SDK1: variants seen among roughly 807,000 people sequenced by gnomAD.
The protein encoded by SDK1 is protein sidekick-1.
In SDK1, 157 loss-of-function variants were observed where a neutral mutation model predicts 245.5. That is an observed-to-expected ratio of 0.64 (90% CI 0.56 to 0.73). The LOEUF is 0.73. SDK1 is among the 30% of genes least tolerant of loss of function. The pLI, the probability that SDK1 is intolerant of heterozygous loss-of-function variation, is 0.00. For missense variants in SDK1, 3,583 were observed against 3,002.3 expected, an observed-to-expected ratio of 1.19 and a Z score of -4.52; for synonymous variants, 1,647 against 1,278.5, an observed-to-expected ratio of 1.29 and a Z score of -6.15.
At chr7:3,602,858 G>A (rs190831681) in intron 1 of SDK1, among the ~76,000 whole-genome samples, 3 of 152,106 alleles carry the variant, frequency 2.0e-5, no homozygotes, top group Non-Finnish European at 2.9e-5. Flanking sequence ...TTTGTATAAG[G>A]TGTAAGGAAG....
intron 27 of SDK1, 70 bp from the exon 28 acceptor site, chr7:4,132,255 C>A: frequency 8.0e-7 from 1 of 1,250,156 alleles, no homozygotes; most frequent in Non-Finnish European, 1.2e-6. Flanking sequence ...CCCTCGGAAT[C>A]CTGTGTAACC....
At chr7:3,894,775 T>A (rs931891771) in intron 5 of SDK1, among the ~76,000 whole-genome samples, 1 of 150,748 alleles carries the variant, frequency 6.6e-6, no homozygotes, top group African/African-American at 2.4e-5. Context: ...CTCGGTTCAC[T>A]GCAACCTCTG....
chr7:4,208,055 A>G, intron 36 of SDK1, 44 bp from the exon 37 acceptor site: 1 of 1,488,118 alleles, frequency 6.7e-7, no homozygotes. Context: ...GCTTACTGGA[A>G]GGCTTCCCCA....
chr7:3,446,434 G>A (rs1016873878), intron 1 of SDK1, among the ~76,000 whole-genome samples: 7 of 152,018 alleles, frequency 4.6e-5, no homozygotes, highest in African/African-American at 1.4e-4. Context: ...TAGTTGATAA[G>A]TTTTCTACCA....
At chr7:4,038,095 C>T (rs1172283872) in intron 17 of SDK1, among the ~76,000 whole-genome samples, 4 of 152,154 alleles carry the variant, frequency 2.6e-5, no homozygotes, top group Non-Finnish European at 4.4e-5. Context: ...ACTGCCTGAC[C>T]AAGGTGACAC....
chr7:3,565,472 C>A (rs1026244577), intron 1 of SDK1, among the ~76,000 whole-genome samples: 8 of 152,128 alleles, frequency 5.3e-5, no homozygotes, highest in Non-Finnish European at 1.0e-4. Context: ...AAGCAAGAGG[C>A]ATATGGATCT....
chr7:3,923,276 CT>C (rs202019269), intron 5 of SDK1, among the ~76,000 whole-genome samples: 2,950 of 148,746 alleles, frequency 0.02, 56 homozygotes, highest in South Asian at 0.041. Context: ...TTATTATGGA[CT>C]TTTTTTTTTA....
Position 3,545,835 on chromosome 7 carries a change from A to G in SDK1, c.299-73245A>G, listed in dbSNP as rs141759973. On this transcript the variant is annotated intron_variant, in intron 1 of 44. Coordinates refer to ENST00000404826, the MANE Select transcript of SDK1 (RefSeq NM_152744.4). Reference sequence around the variant, plus strand: ...TAGTACTTTGAAATCTGAAAAGTGAAAAGAGAAAAGTAAACTCATACCTAA... The same window carrying G: ...TAGTACTTTGAAATCTGAAAAGTGAGAAGAGAAAAGTAAACTCATACCTAA... Among the ~76,000 whole-genome samples, 954 of 152,338 alleles carry G rather than the reference A, an allele frequency of 6.3e-3. 11 individuals carry two copies. Among genetic ancestry groups the G allele is most frequent in the African/African-American group, 0.022 (902 of 41,568 alleles).
At chr7:4,076,105 ACT>A (rs1447962678) in intron 20 of SDK1, among the ~76,000 whole-genome samples, 1 of 152,178 alleles carries the variant, frequency 6.6e-6, no homozygotes. Flanking sequence ...TAGAAGCAAA[ACT>A]CACACACTCA....
intron 5 of SDK1, among the ~76,000 whole-genome samples, chr7:3,874,011 GT>G (rs1181794046): frequency 3.3e-5 from 5 of 151,938 alleles, no homozygotes; most frequent in Non-Finnish European, 7.4e-5. Context: ...CCTCATAATA[GT>G]TTTGTTGTTG....
chr7:3,834,275 A>G (rs529086545), intron 5 of SDK1, among the ~76,000 whole-genome samples: 3 of 152,342 alleles, frequency 2.0e-5, no homozygotes, highest in Admixed American at 1.3e-4. Context: ...CTTATCAGGC[A>G]TTACGCTTGA....
At chr7:3,672,129 G>A (rs886122528) in intron 4 of SDK1, among the ~76,000 whole-genome samples, 1 of 152,114 alleles carries the variant, frequency 6.6e-6, no homozygotes, top group African/African-American at 2.4e-5. Context: ...GGAGTGGCGG[G>A]TCATGGTGTG....
chr7:3,548,044 G>T (rs1445436575), intron 1 of SDK1, among the ~76,000 whole-genome samples: 2 of 152,126 alleles, frequency 1.3e-5, no homozygotes, highest in Non-Finnish European at 2.9e-5. Context: ...CCAAGAATTT[G>T]TCTCCCCAGT....
intron 4 of SDK1, among the ~76,000 whole-genome samples, chr7:3,728,710 G>C (rs755911155): frequency 6.6e-5 from 10 of 152,140 alleles, no homozygotes; most frequent in Non-Finnish European, 1.2e-4. Flanking sequence ...GGCTCAAGCA[G>C]TTCTCCTGCC....
At chr7:3,402,629 G>T (rs1027483633) in intron 1 of SDK1, among the ~76,000 whole-genome samples, 1 of 152,034 alleles carries the variant, frequency 6.6e-6, no homozygotes, top group Non-Finnish European at 1.5e-5. Flanking sequence ...GTTCAGTTTT[G>T]TTGTTGCTTT....
chr7:3,553,267 C>T (rs1157305678), intron 1 of SDK1, among the ~76,000 whole-genome samples: 1 of 151,994 alleles, frequency 6.6e-6, no homozygotes, highest in Non-Finnish European at 1.5e-5. Flanking sequence ...CAGTTATTTT[C>T]CAATGATGAA....
chr7:3,331,270 G>A (rs903772467), intron 1 of SDK1, among the ~76,000 whole-genome samples: 6 of 151,974 alleles, frequency 3.9e-5, no homozygotes, highest in Non-Finnish European at 7.4e-5. Context: ...CTGAAAAAAA[G>A]AAAACAAAAA....
chr7:4,247,241 G>T (rs1362378831), intron 44 of SDK1, among the ~76,000 whole-genome samples: 1 of 152,156 alleles, frequency 6.6e-6, no homozygotes, highest in Non-Finnish European at 1.5e-5. Flanking sequence ...TTCAACTGTG[G>T]GTTGTAGATG....
chr7:3,931,033 C>A (rs868175607), intron 5 of SDK1, among the ~76,000 whole-genome samples: 3 of 152,092 alleles, frequency 2.0e-5, no homozygotes, highest in African/African-American at 4.8e-5. Context: ...CATGTATAAT[C>A]ATTTCTTTTC....
Sources: gnomAD v4.1 joint callset for allele counts (sites outside exome capture counted in the v4.1 genomes callset) on GRCh38, gnomAD v4.1.1 for gene constraint, MANE v1.5 for transcripts, NCBI Gene and HGNC (gene_info 2026-07-23, HGNC 2026-07-21) for gene names.